ERP29: variants seen among roughly 807,000 people sequenced by gnomAD.
The protein encoded by ERP29 is endoplasmic reticulum protein 29.
In ERP29, 14 loss-of-function variants were observed where a neutral mutation model predicts 21.7. The observed-to-expected ratio is 0.64, with a 90% CI of 0.43 to 1.01. The LOEUF (loss-of-function observed/expected upper bound fraction) is 1.01. ERP29 is among the 50% of genes least tolerant of loss of function. ERP29 has a pLI of 0.00. For missense variants in ERP29, 286 were observed against 327.3 expected (o/e 0.87, Z 0.97); for synonymous variants, 129 against 139.1 (o/e 0.93, Z 0.51).
In ERP29 at chr12:112,022,602, A is replaced by G; in HGVS notation, c.736A>G (p.Asn246Asp). 6.2e-7 allele frequency: 1 copy of G among 1,613,918 alleles called. No homozygotes were observed. Among genetic ancestry groups the G allele is most frequent in the Non-Finnish European group, 8.5e-7 (1 of 1,179,892 alleles). Reference protein sequence around the residue: ...GKKEELQKSLNILTAFQKKGA... With the variant: ...GKKEELQKSLDILTAFQKKGA... ...GAAGGAGGAGCTCCAGAAGAGCTTA[A>G]ACATCCTGACTGCCTTCCAGAAGAA... The change falls in exon 3 of 3, where the codon AAC becomes GAC. Residue 246 changes from asparagine (N) to aspartate (D), a missense_variant. Transcript: ENST00000261735.
At position 112,021,515 on chromosome 12, in the gene ERP29, C is replaced by CTTTTTTTTTTTTTTTT. The variant is rs1164185865; in HGVS notation, c.284-624_284-609dup. ...CTTAGAAGAATATGAGCTTAATAGT[C>CTTTTTTTTTTTTTTTT]TTTTTTTTTTTTTTTTTTTTTTTTT... On this transcript the variant is annotated intron_variant, in intron 2 of 2. Coordinates refer to ENST00000261735, the MANE Select transcript of ERP29 (RefSeq NM_006817.4). Among the ~76,000 whole-genome samples, 6 of 70,044 alleles carry CTTTTTTTTTTTTTTTT rather than the reference C, an allele frequency of 8.6e-5. 2 individuals are homozygous for CTTTTTTTTTTTTTTTT. Among genetic ancestry groups the CTTTTTTTTTTTTTTTT allele is most frequent in the Admixed American group, 3.1e-4 (2 of 6,356 alleles). The allele number at this position is 70,044 out of a possible 152,430, so 46.0% of individuals were successfully genotyped here.
chr12:112,017,899 C>T (rs893888065), intron 1 of ERP29, among the ~76,000 whole-genome samples: 6 of 151,522 alleles, frequency 4.0e-5, no homozygotes, highest in Admixed American at 2.6e-4. Context: ...ATTCTCCTGC[C>T]TCAGCCTCCC....
At chr12:112,019,708 C>T (rs2078033352) in intron 1 of ERP29, 48 bp from the exon 2 acceptor site, 1 of 1,613,172 alleles carries the variant, frequency 6.2e-7, no homozygotes, top group Non-Finnish European at 8.5e-7. Flanking sequence ...GGGAATTAGC[C>T]CCAAAAGTCC....
rs368523827 is a variant in ERP29 at position 112,015,607 on chromosome 12, T to C, written c.144+1998T>C. ...GCAAAATGACACCCCTACCCCACCCTGCTCCATGGGAATCAGATAATATCA... is the reference window on the plus strand; with the variant it reads ...GCAAAATGACACCCCTACCCCACCCCGCTCCATGGGAATCAGATAATATCA... On this transcript the variant is annotated intron_variant, in intron 1 of 2. Coordinates refer to ENST00000261735, the MANE Select transcript of ERP29 (RefSeq NM_006817.4). 1.7e-3 allele frequency among the ~76,000 whole-genome samples: 261 copies of C among 152,268 alleles called. 1 individual carries two copies. Among genetic ancestry groups the C allele is most frequent in the African/African-American group, 6.1e-3 (253 of 41,550 alleles).
chr12:112,019,071 C>T (rs2078029504), intron 1 of ERP29: 1 of 154,222 alleles, frequency 6.5e-6, no homozygotes, highest in South Asian at 2.0e-4. Context: ...TAGATAGTAA[C>T]CTCTATGGTT....
intron 1 of ERP29, among the ~76,000 whole-genome samples, chr12:112,014,024 A>T (rs1186278137): frequency 1.3e-5 from 2 of 152,198 alleles, no homozygotes; most frequent in Non-Finnish European, 2.9e-5. Flanking sequence ...GCGGGGGGAA[A>T]TGCAGGCGCG....
chr12:112,022,127 T>C (rs936315237), intron 2 of ERP29, 23 bp from the exon 3 acceptor site: 1 of 1,612,336 alleles, frequency 6.2e-7, no homozygotes. Context: ...GTCTTGCTTT[T>C]TGTGTCTGGT....
chr12:112,020,543 C>T (rs2078039360), intron 2 of ERP29, among the ~76,000 whole-genome samples: 1 of 152,150 alleles, frequency 6.6e-6, no homozygotes, highest in Non-Finnish European at 1.5e-5. Flanking sequence ...TCCAGAGCTC[C>T]ACCTAAGTGT....
chr12:112,015,274 G>A (rs1331066190), intron 1 of ERP29: 1 of 150,938 alleles, frequency 6.6e-6, no homozygotes, highest in East Asian at 1.9e-4. Flanking sequence ...GATCACCTGA[G>A]GTCAGGAGTT....
rs200299339 is a variant in ERP29, at chr12:112,013,571, A to G, written c.106A>G (p.Lys36Glu). 4.4e-6 allele frequency: 7 copies of G among 1,609,030 alleles called. No individual in the cohort carries two copies. Among genetic ancestry groups the G allele is most frequent in the Non-Finnish European group, 5.9e-6 (7 of 1,177,914 alleles). Reference protein sequence around the residue: ...APHGGSGLHTKGALPLDTVTF... With the variant: ...APHGGSGLHTEGALPLDTVTF... Reference sequence around the variant, plus strand: ...GCATGGCGGCAGCGGCCTGCACACCAAGGGCGCCCTTCCCCTGGATACGGT... The same window carrying G: ...GCATGGCGGCAGCGGCCTGCACACCGAGGGCGCCCTTCCCCTGGATACGGT... Residue 36 changes from lysine (K) to glutamate (E), a missense_variant, in exon 1 of 3, where the codon AAG becomes GAG. Lys to Glu is a moderately conservative substitution (Grantham distance 56). Transcript: ENST00000261735.
At chr12:112,021,857 C>T (rs2078048917) in intron 2 of ERP29, among the ~76,000 whole-genome samples, 1 of 152,062 alleles carries the variant, frequency 6.6e-6, no homozygotes, top group Non-Finnish European at 1.5e-5. Context: ...AAGTAGACCC[C>T]CAGCACCTAG....
In ERP29 at chr12:112,022,661, T is replaced by G. The variant is rs1335658444; in HGVS notation, c.*9T>G. ...AGAAAGAGGAGCTGTAAAAAGGCTG[T>G]CTGTGATTTTCCAGGGTTTGGTGGG... On this transcript the variant is annotated 3_prime_UTR_variant, in exon 3 of 3. Transcript: ENST00000261735. 3.1e-6 allele frequency: 5 copies of G among 1,592,834 alleles called. No homozygotes were observed. In the East Asian group the frequency reaches 6.7e-5, roughly 21 times the overall value.
rs1164185865 is a variant in ERP29 at position 112,021,515 on chromosome 12, CTTTTTTTTTTTTTTT to C, written c.284-623_284-609del. ...CTTAGAAGAATATGAGCTTAATAGT[CTTTTTTTTTTTTTTT>C]TTTTTTTTTTTGAGACAAAGTCTCA... On this transcript the variant is annotated intron_variant, in intron 2 of 2. Transcript: ENST00000261735. Among the ~76,000 whole-genome samples, 70 of 70,048 alleles carry C rather than the reference CTTTTTTTTTTTTTTT, an allele frequency of 1.0e-3. 1 individual carries two copies. Among genetic ancestry groups the C allele is most frequent in the Admixed American group, 3.8e-3 (24 of 6,358 alleles). The allele number at this position is 70,048 out of a possible 152,430, so 46.0% of individuals were successfully genotyped here.
In ERP29 at chr12:112,013,437, C is replaced by G; in HGVS notation, c.-29C>G. The stretch of plus-strand genomic sequence containing the variant: ...TCGGGGCGTTCTCCACTATCGCTTA[C>G]CTACCTCCCTCTGCAGGAACCCGGC... On this transcript the variant is annotated 5_prime_UTR_variant, in exon 1 of 3. Transcript: ENST00000261735. 4 of 1,595,980 alleles carry G rather than the reference C, an allele frequency of 2.5e-6. No homozygotes were observed. Among genetic ancestry groups the G allele is most frequent in the Non-Finnish European group, 3.4e-6 (4 of 1,171,430 alleles).
intron 2 of ERP29, among the ~76,000 whole-genome samples, chr12:112,021,268 G>C (rs753367857): frequency 6.6e-6 from 1 of 152,126 alleles, no homozygotes; most frequent in Non-Finnish European, 1.5e-5. Context: ...CTGCCTCAGA[G>C]CTTTTGCACT....
chr12:112,016,242 C>T (rs2078011640), intron 1 of ERP29, among the ~76,000 whole-genome samples: 1 of 152,206 alleles, frequency 6.6e-6, no homozygotes. Context: ...TCTCCAGTCT[C>T]TTTTCAAATC....
In ERP29 at chr12:112,023,293, C is replaced by T. The variant is rs1366419083; in HGVS notation, c.*641C>T. 1 of 152,176 alleles carries T rather than the reference C, an allele frequency of 6.6e-6. No homozygotes were observed. Among genetic ancestry groups the T allele is most frequent in the Non-Finnish European group, 1.5e-5 (1 of 68,030 alleles). 9.4% of individuals were successfully genotyped at this position (152,176 alleles called of 1,614,324 possible). ...TCCATGCTTTGTGAGGTACACATAG[C>T]AAATTCTTAGTTTTACTGATATATT... is the stretch of plus-strand genomic sequence containing the variant. On this transcript the variant is annotated 3_prime_UTR_variant, in exon 3 of 3. Coordinates refer to ENST00000261735, the MANE Select transcript of ERP29 (RefSeq NM_006817.4).
rs746861442 is a variant in ERP29 at position 112,022,461 on chromosome 12, GC to G, written c.597del (p.Glu200SerfsTer4). 5.0e-6 allele frequency: 8 copies of G among 1,614,154 alleles called. No individual in the cohort carries two copies. In the East Asian group the frequency reaches 1.8e-4, roughly 36 times the overall value. ...TGTGAAGGAGACTCAGAAGAAGTGG[GC>G]CGAGCAATACCTGAAGATCATGGGG... Reference protein sequence around the residue: ...SSVKETQKKWAEQYLKIMGKI... With the variant: ...SSVKETQKKWXEQYLKIMGKI... On this transcript the variant is annotated frameshift_variant, in exon 3 of 3. Transcript: ENST00000261735. LOFTEE classifies it high-confidence loss of function.
chr12:112,019,588 A>G (rs1337251781), intron 1 of ERP29, 168 bp from the exon 2 acceptor site: 11 of 765,244 alleles, frequency 1.4e-5, no homozygotes, highest in Non-Finnish European at 2.3e-6. Flanking sequence ...GGCACTCACT[A>G]AATTGTTAAA....
Sources: allele counts gnomAD v4.1 joint callset (sites outside exome capture counted in the v4.1 genomes callset), GRCh38; gene constraint gnomAD v4.1.1; transcripts MANE v1.5; gene names NCBI Gene and HGNC (gene_info 2026-07-23, HGNC 2026-07-21).